ITGA1: variants seen among roughly 807,000 people sequenced by gnomAD.
ITGA1 encodes the protein integrin subunit alpha 1, also known as integrin alpha-1.
In ITGA1, 85 loss-of-function variants were observed where a neutral mutation model predicts 145.9. The ratio of observed to expected loss-of-function variants is 0.58; its 90% CI spans 0.49 to 0.70. The LOEUF is 0.70. Among genes scored for constraint, ITGA1 ranks in the 30% least tolerant of loss-of-function variants. The pLI is 0.00. For missense variants in ITGA1, 1,351 were observed against 1,418.7 expected (o/e 0.95, Z 0.77); for synonymous variants, 520 against 495.3 (o/e 1.05, Z -0.66).
chr5:52,953,193 A>G lies in ITGA1; in HGVS notation c.*742A>G, dbSNP rs1751251152. On this transcript the variant is annotated 3_prime_UTR_variant, in exon 29 of 29. Coordinates refer to ENST00000282588, the MANE Select transcript of ITGA1 (RefSeq NM_181501.2). The stretch of plus-strand genomic sequence containing the variant: ...AATTTTGATATTGAGCTCTAAATGC[A>G]AAACTCTTTTATACTGAAAAAACAC... The G allele has an allele frequency of 6.6e-6, 1 of 152,220 alleles. No individual in the cohort carries two copies. The highest frequency in any genetic ancestry group is 2.4e-5 in the African/African-American group (1 of 41,448). 9.4% of individuals were successfully genotyped at this position (152,220 alleles called of 1,614,324 possible).
intron 1 of ITGA1, among the ~76,000 whole-genome samples, chr5:52,842,970 G>A (rs1376086804): frequency 6.6e-6 from 1 of 152,142 alleles, no homozygotes; most frequent in Non-Finnish European, 1.5e-5. Context: ...GGGATTTCAA[G>A]TGTGAGCCAC....
chr5:52,935,954 T>G, intron 23 of ITGA1, among the ~76,000 whole-genome samples: 1 of 90,142 alleles, frequency 1.1e-5, no homozygotes, highest in Non-Finnish European at 2.2e-5. Flanking sequence ...GAACACAGGA[T>G]TTCTTTTTTT....
Position 52,865,051 on chromosome 5 carries a change from T to G in ITGA1, c.465T>G (p.Phe155Leu). The G allele has an allele frequency of 6.2e-7, 1 of 1,613,770 alleles. No homozygotes were observed. The highest frequency in any genetic ancestry group is 8.5e-7 in the Non-Finnish European group (1 of 1,179,770). ...TCTGTTCTGACGTCAGCCCCACATT[T>G]CAAGTCGTGAATTCCATTGCCCCTG... is the stretch of plus-strand genomic sequence containing the variant. The part of the protein sequence containing the change: ...TGICSDVSPT[F>L]QVVNSIAPVQ... Residue 155 changes from phenylalanine to leucine, a missense_variant, in exon 5 of 29, where the codon TTT becomes TTG. By Grantham distance (22) the Phe-to-Leu change is conservative. Transcript: ENST00000282588.
chr5:52,798,539 GGAA>G (rs1424677833), intron 1 of ITGA1, among the ~76,000 whole-genome samples: 1 of 152,122 alleles, frequency 6.6e-6, no homozygotes, highest in Non-Finnish European at 1.5e-5. Flanking sequence ...TGCCTTTCTG[GGAA>G]GATGATTTTG....
At chr5:52,824,144 A>G (rs895481952) in intron 1 of ITGA1, among the ~76,000 whole-genome samples, 1 of 152,140 alleles carries the variant, frequency 6.6e-6, no homozygotes, top group Non-Finnish European at 1.5e-5. Context: ...TCAAATAATT[A>G]TAAGTCACTT....
chr5:52,931,841 C>T (rs530482410), intron 21 of ITGA1: 4 of 434,872 alleles, frequency 9.2e-6, no homozygotes, highest in South Asian at 1.0e-4. Context: ...CAAGTCTAGT[C>T]GCACATCAGA....
intron 9 of ITGA1, among the ~76,000 whole-genome samples, chr5:52,895,545 C>T (rs1750211829): frequency 6.6e-6 from 1 of 152,152 alleles, no homozygotes; most frequent in African/African-American, 2.4e-5. Flanking sequence ...TACATAGTTA[C>T]ATTTGATAGT....
chr5:52,855,617 T>C (rs1749500946), intron 2 of ITGA1, among the ~76,000 whole-genome samples: 1 of 151,998 alleles, frequency 6.6e-6, no homozygotes, highest in Non-Finnish European at 1.5e-5. Flanking sequence ...AATAAACAGG[T>C]AGGTTACATC....
chr5:52,873,640 T>C (rs1393298670), intron 6 of ITGA1, among the ~76,000 whole-genome samples: 1 of 152,240 alleles, frequency 6.6e-6, no homozygotes, highest in Non-Finnish European at 1.5e-5. Flanking sequence ...GTATTATCAC[T>C]ACATTTATAT....
chr5:52,927,531 A>G, intron 19 of ITGA1, 53 bp from the exon 20 acceptor site: 1 of 1,251,794 alleles, frequency 8.0e-7, no homozygotes, highest in East Asian at 2.4e-5. Flanking sequence ...AAGAACACGT[A>G]TCAATATTTC....
intron 1 of ITGA1, among the ~76,000 whole-genome samples, chr5:52,813,155 T>A (rs899634267): frequency 6.6e-6 from 1 of 152,176 alleles, no homozygotes; most frequent in Non-Finnish European, 1.5e-5. Flanking sequence ...TACCACTGAG[T>A]GCACACAGAA....
intron 2 of ITGA1, among the ~76,000 whole-genome samples, chr5:52,849,840 C>T (rs181127730): frequency 4.7e-4 from 71 of 152,092 alleles, no homozygotes; most frequent in African/African-American, 1.5e-3. Context: ...AGGAAGGATT[C>T]GGAGGCAAAT....
intron 1 of ITGA1, among the ~76,000 whole-genome samples, chr5:52,845,234 G>GA (rs1240840460): frequency 6.6e-6 from 1 of 152,134 alleles, no homozygotes; most frequent in Non-Finnish European, 1.5e-5. Context: ...TGACATGCTA[G>GA]AAAAATCCTT....
In ITGA1 at chr5:52,811,200, C is replaced by T. The variant is rs139522796; in HGVS notation, c.61+22786C>T. Among the ~76,000 whole-genome samples the T allele has an allele frequency of 6.9e-3, 1,055 of 152,266 alleles. 7 individuals are homozygous for T. Among genetic ancestry groups the T allele is most frequent in the African/African-American group, 0.024 (999 of 41,554 alleles). ...AGGAAGAAATCATCCATGTCATTCTCAGAGGATATGGTGTAAGAACTGGCC... is the reference window on the plus strand; with the variant it reads ...AGGAAGAAATCATCCATGTCATTCTTAGAGGATATGGTGTAAGAACTGGCC... On this transcript the variant is annotated intron_variant, in intron 1 of 28. Coordinates refer to ENST00000282588, the MANE Select transcript of ITGA1 (RefSeq NM_181501.2).
chr5:52,875,713 G>T (rs773166988), intron 6 of ITGA1, among the ~76,000 whole-genome samples: 2 of 151,982 alleles, frequency 1.3e-5, no homozygotes, highest in African/African-American at 2.4e-5. Flanking sequence ...CATTTAACCC[G>T]GTTGCACCTT....
chr5:52,801,685 A>T (rs750034729), intron 1 of ITGA1: 1 of 1,614,090 alleles, frequency 6.2e-7, no homozygotes, highest in African/African-American at 1.3e-5. Context: ...GCTGGTGGAC[A>T]GTGTGAAAGA....
chr5:52,924,753 T>A (rs1477958016), intron 18 of ITGA1, among the ~76,000 whole-genome samples: 1 of 151,906 alleles, frequency 6.6e-6, no homozygotes, highest in East Asian at 1.9e-4. Context: ...CAAGAAAGGA[T>A]TGGAGAGATA....
intron 1 of ITGA1, chr5:52,800,048 C>A (rs1341171717): frequency 6.4e-6 from 2 of 312,256 alleles, no homozygotes; most frequent in Admixed American, 4.9e-5. Flanking sequence ...CCTTTGGGGA[C>A]GGGAGACGTG....
chr5:52,947,309 T>A lies in ITGA1; in HGVS notation c.3379-36T>A, dbSNP rs757820672. 4.7e-6 allele frequency: 6 copies of A among 1,285,862 alleles called. No homozygotes were observed. In the African/African-American group the frequency reaches 5.8e-5, roughly 13 times the overall value. 79.7% of individuals were successfully genotyped at this position (1,285,862 alleles called of 1,614,324 possible). Reference sequence around the variant, plus strand: ...AATGTTCCAGGAGTTCTAATAGGTGTTTATTATGTTAACAATCTTGTTTAA... The same window carrying A: ...AATGTTCCAGGAGTTCTAATAGGTGATTATTATGTTAACAATCTTGTTTAA... On this transcript the variant is annotated intron_variant, in intron 27 of 28. Transcript: ENST00000282588.
Sources: allele counts gnomAD v4.1 joint callset (sites outside exome capture counted in the v4.1 genomes callset), GRCh38; gene constraint gnomAD v4.1.1; transcripts MANE v1.5; gene names NCBI Gene and HGNC (gene_info 2026-07-23, HGNC 2026-07-21).